The following SNRNP40 variants were observed in gnomAD, a reference collection of about 807,000 sequenced individuals.
SNRNP40 encodes the protein U5 small nuclear ribonucleoprotein 40 kDa protein.
SNRNP40 carries 21 observed loss-of-function variants against 45.8 expected under a neutral mutation model. The observed-to-expected ratio is 0.46, with a 90% CI of 0.32 to 0.66. The LOEUF (loss-of-function observed/expected upper bound fraction) is 0.66, where lower values mean the gene tolerates loss of function less well. Ranked by LOEUF, SNRNP40 falls within the 30% of genes least tolerant of loss-of-function variation. SNRNP40 has a pLI of 0.03. For synonymous variants in SNRNP40, 142 were observed against 163.8 expected, an observed-to-expected ratio of 0.87 and a Z score of 1.01; for missense variants, 344 against 439.1, an observed-to-expected ratio of 0.78 and a Z score of 1.94.
At chr1:31,282,601 AT>A (rs1646026363) in intron 4 of SNRNP40, 1 of 145,590 alleles carries the variant, frequency 6.9e-6, no homozygotes, top group Non-Finnish European at 1.5e-5. Context: ...CTATCTATCT[AT>A]CTATCTATCT....
chr1:31,296,585 CA>C, intron 1 of SNRNP40, 25 bp downstream of exon 1: 1 of 1,596,008 alleles, frequency 6.3e-7, no homozygotes, highest in Non-Finnish European at 8.5e-7. Context: ...AGCTGAGGGC[CA>C]AAGGCCGCCT....
At chr1:31,261,055 T>C (rs1232119310) in intron 9 of SNRNP40, 1 of 1,281,286 alleles carries the variant, frequency 7.8e-7, no homozygotes. Flanking sequence ...TAAAGACTGT[T>C]TGCAGCTGGG....
intron 3 of SNRNP40, among the ~76,000 whole-genome samples, chr1:31,290,556 A>C (rs1329938144): frequency 2.6e-5 from 4 of 152,330 alleles, no homozygotes; most frequent in Non-Finnish European, 4.4e-5. Context: ...GAGCAATGTT[A>C]AGAGAAAAAA....
At chr1:31,276,697 G>A (rs1039713425) in intron 5 of SNRNP40, among the ~76,000 whole-genome samples, 5 of 152,126 alleles carry the variant, frequency 3.3e-5, no homozygotes, top group African/African-American at 1.2e-4. Flanking sequence ...ACCAGCCTGG[G>A]CAATGTGTTG....
intron 5 of SNRNP40, 144 bp from the exon 6 acceptor site, chr1:31,271,643 C>T (rs753731591): frequency 2.3e-5 from 18 of 787,298 alleles, no homozygotes; most frequent in Non-Finnish European, 3.0e-5. Context: ...AGAAAAACAC[C>T]TTTTTTTAAT....
intron 9 of SNRNP40, chr1:31,261,124 G>T: frequency 1.4e-6 from 1 of 728,290 alleles, no homozygotes; most frequent in Non-Finnish European, 2.1e-6. Context: ...GTGGATTACT[G>T]GACGTCAGGA....
At chr1:31,296,055 T>C (rs1312260429) in intron 1 of SNRNP40, among the ~76,000 whole-genome samples, 1 of 152,196 alleles carries the variant, frequency 6.6e-6, no homozygotes, top group Non-Finnish European at 1.5e-5. Context: ...TGTTTTTCCA[T>C]CTGCAAAATG....
intron 8 of SNRNP40, among the ~76,000 whole-genome samples, chr1:31,263,889 C>T (rs1026229543): frequency 7.5e-6 from 1 of 134,176 alleles, no homozygotes; most frequent in African/African-American, 2.9e-5. Context: ...TTTACTTTCA[C>T]TTACCCTCCA....
rs1194751804 is a variant in SNRNP40 at position 31,296,694 on chromosome 1, G to A, written c.58C>T (p.Gln20Ter). 1 of 1,613,894 alleles carries A rather than the reference G, an allele frequency of 6.2e-7. No individual in the cohort carries two copies. Among genetic ancestry groups the A allele is most frequent in the Non-Finnish European group, 8.5e-7 (1 of 1,179,898 alleles). Residue 20 changes from glutamine to a stop codon, truncating the protein, a stop_gained, in exon 1 of 10, where the codon CAG (glutamine) becomes TAG (stop). Transcript: ENST00000263694. LOFTEE classifies it high-confidence loss of function. ...GCTCCCAACAGCAACTCATGCCGCT[G>A]CCGCTTGACTGGAACCAGCGGCAAC... ...PELPLVPVKR[Q>*]RHELLLGAGS...
intron 5 of SNRNP40, 31 bp downstream of exon 5, chr1:31,281,341 GAA>G (rs1343153865): frequency 3.3e-6 from 5 of 1,530,468 alleles, no homozygotes; most frequent in Non-Finnish European, 4.5e-6. Flanking sequence ...GCAGATAGAT[GAA>G]ATGGAAATAT....
chr1:31,296,780 A>C lies in SNRNP40; in HGVS notation c.-29T>G, dbSNP rs769458001. 2 of 1,554,370 alleles carry C rather than the reference A, an allele frequency of 1.3e-6. No homozygotes were observed. Among genetic ancestry groups the C allele is most frequent in the African/African-American group, 2.8e-5 (2 of 72,682 alleles). ...GGCAACCGGTCTCTTCAGCGCCGCC[A>C]CTGACCGCGCTGCCGCTCTCAGGCG... is the stretch of plus-strand genomic sequence containing the variant. On this transcript the variant is annotated 5_prime_UTR_variant, in exon 1 of 10. Transcript: ENST00000263694.
intron 4 of SNRNP40, among the ~76,000 whole-genome samples, chr1:31,288,275 A>T (rs1273752559): frequency 6.6e-6 from 1 of 152,256 alleles, no homozygotes; most frequent in African/African-American, 2.4e-5. Context: ...TTAACAATTA[A>T]AATATAAACC....
At position 31,259,691 on chromosome 1, in the gene SNRNP40, AT is replaced by A. The variant is rs1434131884; in HGVS notation, c.*380del. ...ACATGGCTCTTGTAAAAAGGCATCT[AT>A]TTGGCTTTTAATACAAAATGATATA... On this transcript the variant is annotated 3_prime_UTR_variant, in exon 10 of 10. Transcript: ENST00000263694. 3 of 430,782 alleles carry A rather than the reference AT, an allele frequency of 7.0e-6. No individual in the cohort carries two copies. The highest frequency in any genetic ancestry group is 2.1e-5 in the African/African-American group (1 of 47,680). The allele number at this position is 430,782 out of a possible 1,614,324, so 26.7% of individuals were successfully genotyped here. A position where few individuals can be genotyped will look rare whatever the true frequency, so the allele number is the denominator to read the frequency against.
chr1:31,260,553 A>C (rs1645851218), intron 9 of SNRNP40, among the ~76,000 whole-genome samples: 3 of 152,068 alleles, frequency 2.0e-5, no homozygotes, highest in African/African-American at 7.2e-5. Flanking sequence ...TGAAATTTAT[A>C]TCTAAATATT....
chr1:31,269,407 T>C (rs1645921932), intron 6 of SNRNP40, 167 bp from the exon 7 acceptor site: 5 of 1,375,004 alleles, frequency 3.6e-6, no homozygotes, highest in African/African-American at 1.5e-5. Flanking sequence ...CTTTTCTTTT[T>C]CAAGCAGGAA....
chr1:31,284,228 C>A (rs1646039930), intron 4 of SNRNP40, among the ~76,000 whole-genome samples: 1 of 152,208 alleles, frequency 6.6e-6, no homozygotes, highest in Non-Finnish European at 1.5e-5. Flanking sequence ...CGGCTCACTG[C>A]AACCTCTGCT....
intron 7 of SNRNP40, 89 bp downstream of exon 7, chr1:31,269,069 C>G: frequency 8.6e-7 from 1 of 1,164,614 alleles, no homozygotes; most frequent in Non-Finnish European, 1.2e-6. Context: ...CCATTCTTAG[C>G]AGAGCTACTG....
chr1:31,278,927 G>T (rs1465530421), intron 5 of SNRNP40, among the ~76,000 whole-genome samples: 2 of 152,142 alleles, frequency 1.3e-5, no homozygotes, highest in Non-Finnish European at 2.9e-5. Flanking sequence ...ATGGTATGTA[G>T]AGAAGGAGAA....
At chr1:31,271,215 G>T in intron 6 of SNRNP40, 164 bp downstream of exon 6, 1 of 637,216 alleles carries the variant, frequency 1.6e-6, no homozygotes, top group Non-Finnish European at 2.6e-6. Flanking sequence ...TGTGTGCAAA[G>T]TTGTTCAGGG....
Sources: allele counts gnomAD v4.1 joint callset (sites outside exome capture counted in the v4.1 genomes callset), GRCh38; gene constraint gnomAD v4.1.1; transcripts MANE v1.5; gene names NCBI Gene and HGNC (gene_info 2026-07-23, HGNC 2026-07-21).